MBD5: variants seen among roughly 807,000 people sequenced by gnomAD.
MBD5 encodes the protein methyl-CpG binding domain protein 5, also known as methyl-CpG-binding domain protein 5.
A neutral mutation model predicts 117.3 loss-of-function variants in MBD5; 13 were observed. The ratio of observed to expected loss-of-function variants is 0.11; its 90% CI spans 0.07 to 0.18. MBD5 has a LOEUF of 0.18. MBD5 is among the 10% of genes least tolerant of loss of function. The pLI is 1.00. For missense variants in MBD5, 1,879 were observed against 2,093.8 expected, an observed-to-expected ratio of 0.90 and a Z score of 2.00; for synonymous variants, 727 against 766.4, an observed-to-expected ratio of 0.95 and a Z score of 0.85.
At chr2:148,244,930 T>C (rs1700301569) in intron 3 of MBD5, among the ~76,000 whole-genome samples, 2 of 151,702 alleles carry the variant, frequency 1.3e-5, no homozygotes, top group African/African-American at 4.8e-5. Flanking sequence ...CATTCAAGCC[T>C]ACATTCCTGG....
At chr2:148,068,959 A>G (rs1695279736) in intron 1 of MBD5, among the ~76,000 whole-genome samples, 1 of 152,224 alleles carries the variant, frequency 6.6e-6, no homozygotes. Flanking sequence ...AAAATATCAC[A>G]GTTTTTTAAT....
intron 3 of MBD5, among the ~76,000 whole-genome samples, chr2:148,335,733 A>G (rs1310115355): frequency 6.6e-6 from 1 of 151,846 alleles, no homozygotes; most frequent in Admixed American, 6.6e-5. Flanking sequence ...AATAATAATA[A>G]TAATAAAATA....
At chr2:148,163,263 A>G (rs769282650) in intron 1 of MBD5, among the ~76,000 whole-genome samples, 1 of 152,168 alleles carries the variant, frequency 6.6e-6, no homozygotes, top group Non-Finnish European at 1.5e-5. Context: ...CTTGGAGCCT[A>G]AGCCTGGACT....
At position 148,513,110 on chromosome 2, in the gene MBD5, G is replaced by GAAGGATA; in HGVS notation, c.*171_*177dup. On this transcript the variant is annotated 3_prime_UTR_variant, in exon 14 of 14. Coordinates refer to ENST00000642680, the MANE Select transcript of MBD5 (RefSeq NM_001378120.1). ...AGTGATACAAAATTTTTTTGATCAG[G>GAAGGATA]AAGGATAATGAATGCTGGAAAAGCC... The GAAGGATA allele has an allele frequency of 1.5e-6, 1 of 650,798 alleles. No homozygotes were observed. The highest frequency in any genetic ancestry group is 2.5e-5 in the Admixed American group (1 of 39,754). 40.3% of individuals were successfully genotyped at this position (650,798 alleles called of 1,614,324 possible).
At chr2:148,246,792 T>C (rs1404201452) in intron 3 of MBD5, among the ~76,000 whole-genome samples, 9 of 149,906 alleles carry the variant, frequency 6.0e-5, no homozygotes. Flanking sequence ...AAAAAATTGT[T>C]TGCTACTGTT....
intron 1 of MBD5, among the ~76,000 whole-genome samples, chr2:148,066,644 ATT>A (rs1695203283): frequency 6.6e-6 from 1 of 151,842 alleles, no homozygotes; most frequent in Non-Finnish European, 1.5e-5. Context: ...TGCCCGGCTA[ATT>A]TTTTGTATTT....
At chr2:148,278,754 C>A (rs1262187296) in intron 3 of MBD5, among the ~76,000 whole-genome samples, 1 of 152,124 alleles carries the variant, frequency 6.6e-6, no homozygotes, top group Non-Finnish European at 1.5e-5. Flanking sequence ...TGATAGACTG[C>A]AAGCTAGAGA....
chr2:148,432,252 G>C (rs1706012766), intron 4 of MBD5, among the ~76,000 whole-genome samples: 1 of 151,922 alleles, frequency 6.6e-6, no homozygotes, highest in Non-Finnish European at 1.5e-5. Context: ...ATTTCTTATA[G>C]ATTCTGGATA....
At chr2:148,059,769 C>T (rs954130356) in intron 1 of MBD5, among the ~76,000 whole-genome samples, 1 of 151,892 alleles carries the variant, frequency 6.6e-6, no homozygotes, top group African/African-American at 2.4e-5. Flanking sequence ...TGGCGTGAAC[C>T]CGGGAGGCGG....
intron 1 of MBD5, among the ~76,000 whole-genome samples, chr2:148,132,193 A>C (rs1307000731): frequency 1.3e-5 from 2 of 152,014 alleles, no homozygotes; most frequent in Non-Finnish European, 2.9e-5. Flanking sequence ...AAATAGTCAA[A>C]ACTATTGTTA....
intron 4 of MBD5, among the ~76,000 whole-genome samples, chr2:148,445,626 A>T (rs1706479075): frequency 1.3e-5 from 2 of 151,506 alleles, no homozygotes; most frequent in East Asian, 3.9e-4. Context: ...TAGCAGCATG[A>T]TTTATACTCC....
chr2:148,100,276 A>C (rs961767966), intron 1 of MBD5, among the ~76,000 whole-genome samples: 1 of 152,152 alleles, frequency 6.6e-6, no homozygotes, highest in Non-Finnish European at 1.5e-5. Context: ...TGACTATGAA[A>C]ATTAGATCAC....
intron 1 of MBD5, among the ~76,000 whole-genome samples, chr2:148,101,970 A>G (rs1574014662): frequency 1.3e-5 from 2 of 152,328 alleles, no homozygotes; most frequent in Middle Eastern, 3.4e-3. Flanking sequence ...ATATTTAGCC[A>G]TAAGTCTCAA....
chr2:148,080,138 A>G (rs949093440), intron 1 of MBD5, among the ~76,000 whole-genome samples: 2 of 152,202 alleles, frequency 1.3e-5, no homozygotes. Flanking sequence ...GGTGAAGGTG[A>G]TGTTGGAAGG....
intron 4 of MBD5, among the ~76,000 whole-genome samples, chr2:148,398,361 G>A (rs1022667579): frequency 6.6e-6 from 1 of 151,156 alleles, no homozygotes; most frequent in South Asian, 2.1e-4. Flanking sequence ...TGGTGAGATG[G>A]TATCTCATTG....
chr2:148,252,321 A>G (rs910163313), intron 3 of MBD5, among the ~76,000 whole-genome samples: 2 of 152,066 alleles, frequency 1.3e-5, no homozygotes, highest in Non-Finnish European at 2.9e-5. Flanking sequence ...ATAGCCAGGC[A>G]TGGTGGTGTG....
At chr2:148,411,287 C>T (rs1705239618) in intron 4 of MBD5, among the ~76,000 whole-genome samples, 1 of 151,860 alleles carries the variant, frequency 6.6e-6, no homozygotes, top group African/African-American at 2.4e-5. Flanking sequence ...GATTCCATGC[C>T]CATAATTCTG....
intron 1 of MBD5, among the ~76,000 whole-genome samples, chr2:148,089,836 C>A (rs1304947117): frequency 6.6e-6 from 1 of 151,748 alleles, no homozygotes; most frequent in African/African-American, 2.4e-5. Flanking sequence ...AAAGAAATAA[C>A]AAAGATCAGA....
At chr2:148,163,799 T>C (rs757286979) in intron 1 of MBD5, among the ~76,000 whole-genome samples, 2 of 152,176 alleles carry the variant, frequency 1.3e-5, no homozygotes, top group Non-Finnish European at 2.9e-5. Flanking sequence ...TTTTTTCATG[T>C]AGAAAACAAT....
Sources: gnomAD v4.1 joint callset for allele counts (sites outside exome capture counted in the v4.1 genomes callset) on GRCh38, gnomAD v4.1.1 for gene constraint, MANE v1.5 for transcripts, NCBI Gene and HGNC (gene_info 2026-07-23, HGNC 2026-07-21) for gene names.